AK4: variants seen among roughly 807,000 people sequenced by gnomAD.
The protein encoded by AK4 is adenylate kinase 4, mitochondrial.
Under a neutral mutation model 24.6 loss-of-function variants are expected in AK4, and 13 were observed. The observed-to-expected ratio is 0.53, with a 90% CI of 0.34 to 0.84. AK4 has a LOEUF of 0.84. Among genes scored for constraint, AK4 ranks in the 40% least tolerant of loss-of-function variants. The probability of loss-of-function intolerance (pLI) is 0.01; values close to 1 mark genes in which losing one functional copy is unlikely to be tolerated. For synonymous variants in AK4, 88 were observed against 107.0 expected (o/e 0.82, Z 1.10); for missense variants, 192 against 288.2 (o/e 0.67, Z 2.42).
chr1:65,165,339 G>C (rs897656982), intron 1 of AK4, among the ~76,000 whole-genome samples: 9 of 152,152 alleles, frequency 5.9e-5, no homozygotes, highest in Admixed American at 2.0e-4. Context: ...GTGAAAGCAG[G>C]GTATTTTTGA....
intron 1 of AK4, among the ~76,000 whole-genome samples, chr1:65,187,347 CA>C (rs150840960): frequency 4.5e-3 from 299 of 66,880 alleles, no homozygotes; most frequent in Middle Eastern, 0.01. Context: ...GACTCCGTCT[CA>C]AAAAAAAAAA....
chr1:65,157,682 G>A (rs1032440239), intron 1 of AK4, among the ~76,000 whole-genome samples: 2 of 152,080 alleles, frequency 1.3e-5, no homozygotes, highest in Non-Finnish European at 2.9e-5. Flanking sequence ...TCAGCTACTC[G>A]GGAGGTTGAG....
intron 2 of AK4, among the ~76,000 whole-genome samples, chr1:65,213,871 C>T (rs993452116): frequency 6.6e-6 from 1 of 152,070 alleles, no homozygotes; most frequent in African/African-American, 2.4e-5. Flanking sequence ...AGGGTGGGCC[C>T]CAATCCAATC....
chr1:65,209,390 A>T lies in AK4; in HGVS notation c.266-9364A>T, dbSNP rs1461151483. Among the ~76,000 whole-genome samples the T allele has an allele frequency of 2.0e-5, 3 of 152,184 alleles. No homozygotes were observed. The East Asian group carries it at 5.8e-4, about 29-fold the overall frequency. Reference sequence around the variant, plus strand: ...TTTAGAAAGCCTTTCTTGGAGTGTTACTTTTAGTAAATGTAAAAGCATACT... The same window carrying T: ...TTTAGAAAGCCTTTCTTGGAGTGTTTCTTTTAGTAAATGTAAAAGCATACT... On this transcript the variant is annotated intron_variant, in intron 2 of 4. Transcript: ENST00000327299.
chr1:65,170,796 G>A (rs1046214395), intron 1 of AK4, among the ~76,000 whole-genome samples: 2 of 152,112 alleles, frequency 1.3e-5, no homozygotes, highest in African/African-American at 4.8e-5. Context: ...ACTAGTGAAA[G>A]GCCAAAAAAA....
At chr1:65,201,172 CT>C (rs970150965) in intron 2 of AK4, among the ~76,000 whole-genome samples, 1 of 152,188 alleles carries the variant, frequency 6.6e-6, no homozygotes, top group African/African-American at 2.4e-5. Context: ...TGATAACTCA[CT>C]TTTTCTCTTA....
intron 3 of AK4, among the ~76,000 whole-genome samples, chr1:65,222,306 G>C (rs1361670394): frequency 6.6e-6 from 1 of 152,194 alleles, no homozygotes; most frequent in Non-Finnish European, 1.5e-5. Context: ...GTTCCTGCCA[G>C]CATTCCCCCG....
chr1:65,190,729 G>T lies in AK4; in HGVS notation c.165G>T (p.Lys55Asn), dbSNP rs370616612. ...KASTEVGEMA[K>N]QYIEKSLLVP... is the part of the protein sequence containing the mutation. The stretch of plus-strand genomic sequence containing the variant: ...TAATAGAAGTTGGTGAGATGGCAAA[G>T]CAGTATATAGAGAAAAGTCTTTTGG... Residue 55 changes from lysine (K) to asparagine (N), a missense_variant, in exon 2 of 5, where the codon AAG becomes AAT. Transcript: ENST00000327299. The T allele has an allele frequency of 9.7e-5, 156 of 1,612,330 alleles. 1 individual carries two copies. The highest frequency in any genetic ancestry group is 1.3e-4 in the Non-Finnish European group (150 of 1,179,516).
intron 1 of AK4, among the ~76,000 whole-genome samples, chr1:65,152,376 ATATATATATTTT>A (rs1649816586): frequency 1.5e-5 from 1 of 66,770 alleles, no homozygotes; most frequent in African/African-American, 5.0e-5. Context: ...ATATATATAT[ATATATATATTTT>A]TTTTTTTTTT....
chr1:65,201,375 G>A (rs1453401668), intron 2 of AK4, among the ~76,000 whole-genome samples: 1 of 152,168 alleles, frequency 6.6e-6, no homozygotes, highest in East Asian at 1.9e-4. Context: ...GTGAGGAACA[G>A]TTGTACCACA....
At chr1:65,151,823 C>A (rs971261628) in intron 1 of AK4, among the ~76,000 whole-genome samples, 2 of 152,140 alleles carry the variant, frequency 1.3e-5, no homozygotes, top group Non-Finnish European at 2.9e-5. Flanking sequence ...ATTGGCCCTT[C>A]CTACACTGCC....
intron 3 of AK4, among the ~76,000 whole-genome samples, chr1:65,220,146 A>G (rs545983608): frequency 6.2e-4 from 94 of 152,346 alleles, no homozygotes; most frequent in Admixed American, 1.2e-3. Flanking sequence ...TTTGAAGAAC[A>G]TCTTGGTTCC....
chr1:65,158,264 G>A (rs987195440), intron 1 of AK4, among the ~76,000 whole-genome samples: 4 of 152,126 alleles, frequency 2.6e-5, no homozygotes, highest in Non-Finnish European at 4.4e-5. Context: ...GCTTCAAGCT[G>A]TTAACTATAA....
intron 1 of AK4, among the ~76,000 whole-genome samples, chr1:65,160,664 G>A (rs1650129380): frequency 6.6e-6 from 1 of 151,924 alleles, no homozygotes; most frequent in Non-Finnish European, 1.5e-5. Context: ...GTGCAATATT[G>A]GCTCACTGCA....
chr1:65,152,590 T>TG (rs1235434846), intron 1 of AK4, among the ~76,000 whole-genome samples: 6 of 151,016 alleles, frequency 4.0e-5, no homozygotes, highest in African/African-American at 1.2e-4. Context: ...TTGGTGGAGA[T>TG]GGGGTTTCAC....
rs1412998946 is a variant in AK4, at chr1:65,159,257, GGACT to G, written c.145+10710_145+10713del. Among the ~76,000 whole-genome samples the G allele has an allele frequency of 7.9e-5, 12 of 152,342 alleles. No homozygotes were observed. The South Asian group carries it at 2.5e-3, about 32-fold the overall frequency. On this transcript the variant is annotated intron_variant, in intron 1 of 4. Transcript: ENST00000327299. ...GGGGGCGAAGCAACTGCCAGGCCCT[GGACT>G]GACTAATGAATGCAAATTATCTCTA...
intron 2 of AK4, among the ~76,000 whole-genome samples, chr1:65,205,939 A>G (rs1651796668): frequency 6.6e-6 from 1 of 152,118 alleles, no homozygotes; most frequent in Admixed American, 6.6e-5. Context: ...TGTGCCATGC[A>G]CCTGTGCTGT....
chr1:65,189,094 C>A (rs777186391), intron 1 of AK4, among the ~76,000 whole-genome samples: 2 of 151,130 alleles, frequency 1.3e-5, no homozygotes, highest in African/African-American at 2.4e-5. Context: ...CCACCACACT[C>A]AGCTAATTTT....
intron 2 of AK4, among the ~76,000 whole-genome samples, chr1:65,191,933 G>A (rs898465342): frequency 6.6e-6 from 1 of 152,150 alleles, no homozygotes; most frequent in Admixed American, 6.5e-5. Flanking sequence ...TAAGAGAGTG[G>A]ATTGAGGAAA....
Sources: allele counts gnomAD v4.1 joint callset (sites outside exome capture counted in the v4.1 genomes callset), GRCh38; gene constraint gnomAD v4.1.1; transcripts MANE v1.5; gene names NCBI Gene and HGNC (gene_info 2026-07-23, HGNC 2026-07-21).